Variants in PAX8 observed in about 807,000 individuals in gnomAD.
The protein encoded by PAX8 is paired box 8, also known as paired box protein Pax-8.
In PAX8, 15 loss-of-function variants were observed where a neutral mutation model predicts 52.4. The observed-to-expected ratio is 0.29, with a 90% CI of 0.19 to 0.44. PAX8 has a LOEUF of 0.44. Among genes scored for constraint, PAX8 ranks in the 20% least tolerant of loss-of-function variants. PAX8 has a pLI of 1.00. For synonymous variants in PAX8, 284 were observed against 249.7 expected (o/e 1.14, Z -1.29); for missense variants, 554 against 602.5 (o/e 0.92, Z 0.84).
chr2:113,246,960 G>T, intron 2 of PAX8, 41 bp from the exon 3 acceptor site: 5 of 1,581,226 alleles, frequency 3.2e-6, no homozygotes, highest in Non-Finnish European at 4.3e-6. Flanking sequence ...TCAGGGTCAG[G>T]TAGGAGTTTG....
intron 2 of PAX8, among the ~76,000 whole-genome samples, chr2:113,261,812 A>T (rs936356560): frequency 6.6e-6 from 1 of 151,778 alleles, no homozygotes; most frequent in East Asian, 1.9e-4. Context: ...CATGCCCTGA[A>T]AGATTTTAGG....
At position 113,218,555 on chromosome 2, in the gene PAX8, G is replaced by A. The variant is rs1426096073; in HGVS notation, c.1331C>T (p.Ala444Val). ...TSRPSAPPTT[A>V]TAFDHL ...CAACTACAGATGGTCAAAGGCCGTG[G>A]CAGTGGTGGGCGGTGCACTCGGCCT... Residue 444 changes from alanine (A) to valine (V), a missense_variant, in exon 12 of 12, where the codon GCC (alanine) becomes GTC (valine). Ala to Val is a moderately conservative substitution (Grantham distance 64). Around this residue, in one of 2 missense-constraint regions of PAX8, gnomAD observed 445 missense variants for 409.9 expected, o/e 1.09. Coordinates refer to ENST00000429538, the MANE Select transcript of PAX8 (RefSeq NM_003466.4). 9 of 1,556,860 alleles carry A rather than the reference G, an allele frequency of 5.8e-6. No homozygotes were observed. Among genetic ancestry groups the A allele is most frequent in the Non-Finnish European group, 7.8e-6 (9 of 1,149,766 alleles).
chr2:113,240,968 C>T (rs956310862), intron 7 of PAX8: 5 of 186,844 alleles, frequency 2.7e-5, no homozygotes, highest in Non-Finnish European at 4.5e-5. Context: ...TGATTCATGT[C>T]GGAGGGGCAG....
intron 2 of PAX8, among the ~76,000 whole-genome samples, chr2:113,249,499 G>A (rs1347757085): frequency 1.3e-5 from 2 of 152,136 alleles, no homozygotes; most frequent in Non-Finnish European, 2.9e-5. Flanking sequence ...GTTTCTTAGA[G>A]GTGGAGGTTC....
In PAX8 at chr2:113,232,863, C is replaced by T. The variant is rs147176808; in HGVS notation, c.1087+2531G>A. On this transcript the variant is annotated intron_variant, in intron 9 of 11. Coordinates refer to ENST00000429538, the MANE Select transcript of PAX8 (RefSeq NM_003466.4). ...CTTCAGCTGGTCTTGCCAAGCTTCT[C>T]CGCGGCTTCCACAGCACCTGCTCCC... Among the ~76,000 whole-genome samples the T allele has an allele frequency of 5.7e-3, 875 of 152,252 alleles. 12 individuals are homozygous for T. The highest frequency in any genetic ancestry group is 0.02 in the African/African-American group (831 of 41,548).
intron 5 of PAX8, among the ~76,000 whole-genome samples, chr2:113,242,402 C>T (rs760799550): frequency 3.9e-5 from 6 of 152,120 alleles, no homozygotes; most frequent in Non-Finnish European, 7.4e-5. Context: ...GGACTGAGCC[C>T]TGGAGGGGCT....
At chr2:113,238,427 G>A (rs150703879) in intron 7 of PAX8, 1 of 152,530 alleles carries the variant, frequency 6.6e-6, no homozygotes, top group Non-Finnish European at 1.5e-5. Flanking sequence ...TATAAGAGAA[G>A]TTTAAAATGC....
intron 11 of PAX8, among the ~76,000 whole-genome samples, chr2:113,218,899 T>C (rs759066037): frequency 3.3e-5 from 5 of 152,088 alleles, no homozygotes; most frequent in South Asian, 2.1e-4. Context: ...TAGAAAACAA[T>C]TGCATGTGGA....
chr2:113,236,288 C>G, intron 8 of PAX8: 1 of 236,178 alleles, frequency 4.2e-6, no homozygotes, highest in Non-Finnish European at 7.8e-6. Flanking sequence ...GGCGCGACCC[C>G]TCGGCCCACC....
intron 2 of PAX8, 121 bp from the exon 3 acceptor site, chr2:113,247,040 C>T (rs996862685): frequency 1.0e-5 from 10 of 967,956 alleles, no homozygotes; most frequent in East Asian, 2.6e-5. Flanking sequence ...TGAAATCCCA[C>T]GGCCAGGCCC....
chr2:113,278,528 G>A, intron 1 of PAX8, 59 bp from the exon 2 acceptor site: 4 of 1,380,342 alleles, frequency 2.9e-6, no homozygotes, highest in Non-Finnish European at 4.0e-6. Context: ...TGCATCCTCA[G>A]GCCCCCTCCC....
At chr2:113,245,604 C>T (rs1262886411) in intron 3 of PAX8, among the ~76,000 whole-genome samples, 3 of 152,162 alleles carry the variant, frequency 2.0e-5, no homozygotes, top group African/African-American at 4.8e-5. Context: ...CTGGGGCCTC[C>T]ACCCTTCCCC....
intron 2 of PAX8, among the ~76,000 whole-genome samples, chr2:113,247,964 AAC>A (rs1319333259): frequency 6.6e-6 from 1 of 152,194 alleles, no homozygotes; most frequent in African/African-American, 2.4e-5. Flanking sequence ...GGCTCAAGGA[AAC>A]ACAGAAGGGT....
chr2:113,253,414 T>C lies in PAX8; in HGVS notation c.26-6495A>G, dbSNP rs560910001. ...TCCTCTTAGGTGATAAGGGGGCTCC[T>C]CCTCTAGTGTTGTCTTGGTTGGTAA... On this transcript the variant is annotated intron_variant, in intron 2 of 11. Coordinates refer to ENST00000429538, the MANE Select transcript of PAX8 (RefSeq NM_003466.4). Among the ~76,000 whole-genome samples, 7 of 152,306 alleles carry C rather than the reference T, an allele frequency of 4.6e-5. No homozygotes were observed. In the East Asian group the frequency reaches 1.3e-3, roughly 29 times the overall value.
rs563781068 is a variant in PAX8, at chr2:113,229,855, GGTGA to G, written c.1088-2603_1088-2600del. On this transcript the variant is annotated intron_variant, in intron 9 of 11. Coordinates refer to ENST00000429538, the MANE Select transcript of PAX8 (RefSeq NM_003466.4). Reference sequence around the variant, plus strand: ...GGAGGAGCACAGAGCAGGGACAGGTGGTGAGGGAGGGAGTGATGGAAGAAGGTGG... The same window carrying G: ...GGAGGAGCACAGAGCAGGGACAGGTGGGGAGGGAGTGATGGAAGAAGGTGG... Among the ~76,000 whole-genome samples, 273 of 152,260 alleles carry G rather than the reference GGTGA, an allele frequency of 1.8e-3. 1 individual carries two copies. Among genetic ancestry groups the G allele is most frequent in the Non-Finnish European group, 3.0e-3 (207 of 68,022 alleles).
rs376610026 is a variant in PAX8, at chr2:113,246,957, C to T, written c.26-38G>A. 4 of 1,590,440 alleles carry T rather than the reference C, an allele frequency of 2.5e-6. No individual in the cohort carries two copies. In the African/African-American group the frequency reaches 4.0e-5, roughly 16 times the overall value. ...TATTCCCAGGGACAGCTGTCAGGGTCAGGTAGGAGTTTGGGTGGGGATTAG... is the reference window on the plus strand; with the variant it reads ...TATTCCCAGGGACAGCTGTCAGGGTTAGGTAGGAGTTTGGGTGGGGATTAG... On this transcript the variant is annotated intron_variant, in intron 2 of 11. Transcript: ENST00000429538.
chr2:113,234,393 A>G (rs4849181), intron 9 of PAX8, among the ~76,000 whole-genome samples: 56,473 of 152,182 alleles, frequency 0.37, 10,566 homozygotes, highest in South Asian at 0.44. Flanking sequence ...TCAACCAGCT[A>G]CAGATGGTGC....
chr2:113,241,637 G>A lies in PAX8; in HGVS notation c.691C>T (p.His231Tyr), dbSNP rs1472229843. Residue 231 changes from histidine (H) to tyrosine (Y), a missense_variant, in exon 7 of 12, where the codon CAC (histidine) becomes TAC (tyrosine). By Grantham distance (83) the His-to-Tyr change is moderately conservative (BLOSUM62 2). Transcript: ENST00000429538. ...KHLRTDAFSQ[H>Y]HLEPLECPFE... ...GGGCACTCGAGCGGCTCGAGGTGGT[G>A]CTGGCTGAAGGCATCCGTGCGAAGG... 3.1e-6 allele frequency: 5 copies of A among 1,614,006 alleles called. No individual in the cohort carries two copies. The highest frequency in any genetic ancestry group is 4.2e-6 in the Non-Finnish European group (5 of 1,179,996).
At chr2:113,244,800 C>T (rs1363328014) in intron 3 of PAX8, among the ~76,000 whole-genome samples, 176 bp from the exon 4 acceptor site, 2 of 152,164 alleles carry the variant, frequency 1.3e-5, no homozygotes, top group Non-Finnish European at 2.9e-5. Flanking sequence ...GTTTCCCTCA[C>T]TTGGGTAGGT....
Sources: allele counts gnomAD v4.1 joint callset (sites outside exome capture counted in the v4.1 genomes callset), GRCh38; gene constraint gnomAD v4.1.1; regional missense constraint gnomAD v4.1.1; transcripts MANE v1.5; gene names NCBI Gene and HGNC (gene_info 2026-07-23, HGNC 2026-07-21).